Variants in ELAPOR2 observed in about 807,000 individuals in gnomAD.
The protein encoded by ELAPOR2 is endosome/lysosome-associated apoptosis and autophagy regulator family member 2.
Under a neutral mutation model 120.7 loss-of-function variants are expected in ELAPOR2, and 89 were observed. The ratio of observed to expected loss-of-function variants is 0.74; its 90% CI spans 0.62 to 0.88. ELAPOR2 has a LOEUF of 0.88. Ranked by LOEUF, ELAPOR2 falls within the 40% of genes least tolerant of loss-of-function variation. The pLI, the probability that ELAPOR2 is intolerant of heterozygous loss-of-function variation, is 0.00. For missense variants in ELAPOR2, 1,134 were observed against 1,251.6 expected (o/e 0.91, Z 1.42); for synonymous variants, 444 against 444.9 (o/e 1.00, Z 0.03).
At chr7:86,975,537 C>G (rs903072003) in intron 1 of ELAPOR2, among the ~76,000 whole-genome samples, 4 of 152,150 alleles carry the variant, frequency 2.6e-5, no homozygotes, top group African/African-American at 9.7e-5. Context: ...TAATCATAAA[C>G]ATTAGACACC....
chr7:87,014,682 T>C (rs1027718330), intron 1 of ELAPOR2, among the ~76,000 whole-genome samples: 2 of 152,166 alleles, frequency 1.3e-5, no homozygotes, highest in Non-Finnish European at 2.9e-5. Flanking sequence ...AATTTTGATT[T>C]ATACAATCAA....
chr7:86,968,199 T>C (rs923452189), intron 1 of ELAPOR2, among the ~76,000 whole-genome samples: 2 of 152,192 alleles, frequency 1.3e-5, no homozygotes. Context: ...TTCAGGTTTA[T>C]AGGTAACACC....
intron 1 of ELAPOR2, among the ~76,000 whole-genome samples, chr7:86,983,654 C>G (rs1792597660): frequency 1.3e-5 from 2 of 151,982 alleles, no homozygotes; most frequent in African/African-American, 4.8e-5. Flanking sequence ...TTTGTCACTA[C>G]CAGGCCTGCC....
intron 1 of ELAPOR2, among the ~76,000 whole-genome samples, chr7:87,057,188 G>A (rs184719970): frequency 1.3e-5 from 2 of 152,326 alleles, no homozygotes; most frequent in East Asian, 3.9e-4. Context: ...GGAAAGGGCT[G>A]AGCTCAAGAG....
chr7:86,958,676 C>A (rs1269999523), intron 2 of ELAPOR2, among the ~76,000 whole-genome samples: 1 of 152,140 alleles, frequency 6.6e-6, no homozygotes, highest in Non-Finnish European at 1.5e-5. Flanking sequence ...TTTCCTATAC[C>A]TGGAATGTCA....
intron 21 of ELAPOR2, among the ~76,000 whole-genome samples, chr7:86,885,509 C>A (rs1446416039): frequency 6.6e-6 from 1 of 152,116 alleles, no homozygotes; most frequent in African/African-American, 2.4e-5. Flanking sequence ...GCCTCCCTCC[C>A]AAACTACCCC....
At chr7:86,987,224 A>T (rs1305200073) in intron 1 of ELAPOR2, among the ~76,000 whole-genome samples, 1 of 152,250 alleles carries the variant, frequency 6.6e-6, no homozygotes, top group Non-Finnish European at 1.5e-5. Flanking sequence ...TAAATGTATG[A>T]TCTAAAACCA....
chr7:86,989,460 G>C (rs1443149893), intron 1 of ELAPOR2, among the ~76,000 whole-genome samples: 1 of 152,156 alleles, frequency 6.6e-6, no homozygotes, highest in Non-Finnish European at 1.5e-5. Context: ...AAGTATACAA[G>C]AATAGAGAGT....
chr7:86,949,899 T>C (rs1433072273), intron 2 of ELAPOR2, among the ~76,000 whole-genome samples: 5 of 152,150 alleles, frequency 3.3e-5, no homozygotes, highest in Admixed American at 1.3e-4. Flanking sequence ...GTCTCCTGGA[T>C]GGAAGGGGAT....
chr7:87,000,017 G>A (rs973721094), intron 1 of ELAPOR2, among the ~76,000 whole-genome samples: 2 of 152,102 alleles, frequency 1.3e-5, no homozygotes, highest in African/African-American at 2.4e-5. Flanking sequence ...CAAAGAGCCA[G>A]ATTAACCTCA....
At chr7:86,973,832 G>T (rs75140736) in intron 1 of ELAPOR2, among the ~76,000 whole-genome samples, 1 of 152,126 alleles carries the variant, frequency 6.6e-6, no homozygotes, top group Non-Finnish European at 1.5e-5. Context: ...GCTAGAGGAG[G>T]ACCCTCTATA....
intron 1 of ELAPOR2, among the ~76,000 whole-genome samples, chr7:87,042,989 A>G (rs1013785500): frequency 3.9e-5 from 6 of 152,278 alleles, no homozygotes; most frequent in South Asian, 4.1e-4. Context: ...ACACCTCTAC[A>G]CAAATAAACT....
intron 10 of ELAPOR2, among the ~76,000 whole-genome samples, chr7:86,920,247 T>C (rs1021071332): frequency 1.3e-5 from 2 of 152,170 alleles, no homozygotes; most frequent in African/African-American, 2.4e-5. Context: ...TACATACTTA[T>C]AAGACAGATG....
rs1180222406 is a variant in ELAPOR2 at position 86,912,173 on chromosome 7, T to C, written c.2068A>G (p.Ser690Gly). ...AATGAGCCCACACTGCTGAGGTTGCTAAAGTCATAGTGCAAACTCTGATTT... is the reference window on the plus strand; with the variant it reads ...AATGAGCCCACACTGCTGAGGTTGCCAAAGTCATAGTGCAAACTCTGATTT... ...KENQSLHYDF[S>G]NLSSVGSLMN... is the part of the protein sequence containing the mutation. Residue 690 changes from serine to glycine, a missense_variant, in exon 15 of 22, where the codon AGC becomes GGC. Physicochemically the swap from Ser to Gly is moderately conservative, Grantham distance 56. This residue lies in a region of ELAPOR2 where 831 missense variants were observed against 867.6 expected (regional missense o/e 0.96). Coordinates refer to ENST00000450689, the MANE Select transcript of ELAPOR2 (RefSeq NM_001142749.3). 3 of 1,612,260 alleles carry C rather than the reference T, an allele frequency of 1.9e-6. No homozygotes were observed. In the African/African-American group the frequency reaches 4.0e-5, roughly 22 times the overall value.
chr7:86,917,121 T>C (rs1450039087), intron 12 of ELAPOR2, among the ~76,000 whole-genome samples: 1 of 151,806 alleles, frequency 6.6e-6, no homozygotes, highest in Non-Finnish European at 1.5e-5. Context: ...GTTCCTTTTA[T>C]GTTTAAGGAT....
chr7:86,884,329 G>A (rs998798238), intron 21 of ELAPOR2, among the ~76,000 whole-genome samples: 14 of 152,110 alleles, frequency 9.2e-5, no homozygotes, highest in African/African-American at 2.4e-4. Context: ...CCTCTAGCCC[G>A]AAAGACTTCC....
In ELAPOR2 at chr7:86,964,440, T is replaced by C. The variant is rs542048620; in HGVS notation, c.310+464A>G. On this transcript the variant is annotated intron_variant, in intron 2 of 21. Transcript: ENST00000450689. ...ACTAAAAAAAATTAAGTTATTTCTA[T>C]GGCTAAAAAAAATATCCATTGCAAG... Among the ~76,000 whole-genome samples, 10 of 152,274 alleles carry C rather than the reference T, an allele frequency of 6.6e-5. No individual in the cohort carries two copies. In the South Asian group the frequency reaches 1.9e-3, roughly 28 times the overall value.
intron 1 of ELAPOR2, among the ~76,000 whole-genome samples, chr7:86,971,369 A>C (rs1792103396): frequency 6.6e-6 from 1 of 152,232 alleles, no homozygotes; most frequent in Non-Finnish European, 1.5e-5. Flanking sequence ...ACATACCTAC[A>C]TATGAATAAA....
chr7:86,947,756 A>G lies in ELAPOR2; in HGVS notation c.477T>C (p.Pro159=), dbSNP rs1392868131. The G allele has an allele frequency of 6.4e-7, 1 of 1,551,622 alleles. No homozygotes were observed. Among genetic ancestry groups the G allele is most frequent in the South Asian group, 1.2e-5 (1 of 84,028 alleles). The change falls in exon 3 of 22, where the codon CCT becomes CCC. Residue 159 remains proline (P), a synonymous_variant. Transcript: ENST00000450689. The part of the protein sequence containing the change: ...IATFMDTVVG[P]SDSRPDGCNN... ...TACAGCCGTCTGGCCTGCTGTCAGA[A>G]GGGCCCACCACAGTGTCCATGAATG...
Sources: allele counts gnomAD v4.1 joint callset (sites outside exome capture counted in the v4.1 genomes callset), GRCh38; gene constraint gnomAD v4.1.1; regional missense constraint gnomAD v4.1.1; transcripts MANE v1.5; gene names NCBI Gene and HGNC (gene_info 2026-07-23, HGNC 2026-07-21).